Variants in PTPRK observed in about 807,000 individuals in gnomAD.
PTPRK encodes the protein protein tyrosine phosphatase receptor type K.
PTPRK carries 75 observed loss-of-function variants against 178.0 expected under a neutral mutation model. The observed-to-expected ratio is 0.42, with a 90% confidence interval of 0.35 to 0.51. PTPRK has a LOEUF of 0.51. PTPRK is among the 20% of genes least tolerant of loss of function. PTPRK has a pLI of 0.02. For synonymous variants in PTPRK, 637 were observed against 620.6 expected (o/e 1.03, Z -0.39); for missense variants, 1,441 against 1,797.8 (o/e 0.80, Z 3.59).
At chr6:128,044,187 T>G (rs1384902116) in intron 13 of PTPRK, among the ~76,000 whole-genome samples, 1 of 152,072 alleles carries the variant, frequency 6.6e-6, no homozygotes, top group African/African-American at 2.4e-5. Flanking sequence ...CAAAACCAAA[T>G]GAAATAGCAA....
intron 22 of PTPRK, among the ~76,000 whole-genome samples, chr6:127,985,397 T>C (rs1292660808): frequency 6.6e-6 from 1 of 152,214 alleles, no homozygotes; most frequent in Non-Finnish European, 1.5e-5. Context: ...AAATGTCTAT[T>C]TCAACCTAGC....
intron 7 of PTPRK, among the ~76,000 whole-genome samples, chr6:128,114,727 C>T (rs754870785): frequency 3.3e-4 from 49 of 149,462 alleles, no homozygotes; most frequent in Non-Finnish European, 6.8e-4. Flanking sequence ...CCTGCCTCAA[C>T]TTATGTGGAT....
intron 3 of PTPRK, among the ~76,000 whole-genome samples, chr6:128,294,763 T>C (rs1226878900): frequency 6.6e-6 from 1 of 152,134 alleles, no homozygotes; most frequent in Non-Finnish European, 1.5e-5. Context: ...ACTTAAGGCA[T>C]GCTAAGTGCA....
chr6:128,458,825 T>C (rs1434026674), intron 1 of PTPRK, among the ~76,000 whole-genome samples: 2 of 152,190 alleles, frequency 1.3e-5, no homozygotes, highest in African/African-American at 2.4e-5. Flanking sequence ...TGCTTACATA[T>C]GTGAAAGAAA....
intron 2 of PTPRK, among the ~76,000 whole-genome samples, chr6:128,366,609 G>C (rs1835523478): frequency 2.0e-5 from 3 of 152,034 alleles, no homozygotes; most frequent in Admixed American, 6.6e-5. Flanking sequence ...TTAAGTTTAA[G>C]GTAACTTATC....
At chr6:128,038,615 T>C (rs1250245104) in intron 13 of PTPRK, among the ~76,000 whole-genome samples, 2 of 152,200 alleles carry the variant, frequency 1.3e-5, no homozygotes, top group South Asian at 2.1e-4. Flanking sequence ...ATTTAGAATC[T>C]ACTGCAGCTC....
Position 128,240,030 on chromosome 6 carries a change from C to T in PTPRK, c.693+5G>A, listed in dbSNP as rs774524984. 20 of 1,610,846 alleles carry T rather than the reference C, an allele frequency of 1.2e-5. No homozygotes were observed. The East Asian group carries it at 3.6e-4, about 29-fold the overall frequency. On this transcript the variant is annotated splice_donor_5th_base_variant and intron_variant, in intron 5 of 29. Coordinates refer to ENST00000368226, the MANE Select transcript of PTPRK (RefSeq NM_002844.4). Reference sequence around the variant, plus strand: ...TCTTTAGCTCAGCTGCCAACTTGGCCTTACCTGGAGCCATAACTTGTTATG... The same window carrying T: ...TCTTTAGCTCAGCTGCCAACTTGGCTTTACCTGGAGCCATAACTTGTTATG...
intron 13 of PTPRK, among the ~76,000 whole-genome samples, chr6:128,029,215 C>T (rs1774857475): frequency 6.6e-6 from 1 of 151,998 alleles, no homozygotes; most frequent in African/African-American, 2.4e-5. Flanking sequence ...TCTCCTGTCT[C>T]CCTCTCTTGC....
At chr6:128,020,333 T>C (rs1230483322) in intron 13 of PTPRK, among the ~76,000 whole-genome samples, 4 of 152,170 alleles carry the variant, frequency 2.6e-5, no homozygotes, top group African/African-American at 9.6e-5. Flanking sequence ...ATAGTGTTTA[T>C]AGCAAAGTAA....
At chr6:128,145,760 G>A (rs1796400153) in intron 7 of PTPRK, among the ~76,000 whole-genome samples, 1 of 152,128 alleles carries the variant, frequency 6.6e-6, no homozygotes, top group Non-Finnish European at 1.5e-5. Flanking sequence ...TAGGTATAAT[G>A]TGTATTCTAT....
chr6:128,483,171 C>T lies in PTPRK; in HGVS notation c.100+37088G>A, dbSNP rs78885144. Among the ~76,000 whole-genome samples the T allele has an allele frequency of 4.0e-3, 614 of 152,256 alleles. 6 individuals are homozygous for T. Among genetic ancestry groups the T allele is most frequent in the African/African-American group, 0.014 (587 of 41,562 alleles). On this transcript the variant is annotated intron_variant, in intron 1 of 29. Coordinates refer to ENST00000368226, the MANE Select transcript of PTPRK (RefSeq NM_002844.4). ...TACCTTATTACATTATCAAGGCCTA[C>T]AAAAGTCGTGTTTTTTCTACAACTT...
intron 13 of PTPRK, among the ~76,000 whole-genome samples, chr6:128,019,951 G>A (rs1183632228): frequency 2.0e-5 from 3 of 152,254 alleles, no homozygotes; most frequent in Non-Finnish European, 4.4e-5. Flanking sequence ...AATGCTTTAA[G>A]TACCTTGTCT....
chr6:128,154,144 A>G (rs1348311660), intron 7 of PTPRK, among the ~76,000 whole-genome samples: 1 of 151,854 alleles, frequency 6.6e-6, no homozygotes, highest in East Asian at 1.9e-4. Context: ...CATAATTGTT[A>G]TGAATAATGT....
intron 2 of PTPRK, among the ~76,000 whole-genome samples, chr6:128,391,266 C>T (rs147247942): frequency 1.2e-4 from 19 of 152,200 alleles, no homozygotes; most frequent in African/African-American, 3.6e-4. Flanking sequence ...TTCCCATCTA[C>T]GTTAATGGCC....
At chr6:128,233,736 G>A (rs1035677410) in intron 5 of PTPRK, among the ~76,000 whole-genome samples, 1 of 152,180 alleles carries the variant, frequency 6.6e-6, no homozygotes, top group African/African-American at 2.4e-5. Flanking sequence ...ATTACTGACA[G>A]ATTGGCCCAA....
At chr6:128,239,301 C>A (rs774958242) in intron 5 of PTPRK, among the ~76,000 whole-genome samples, 4 of 152,186 alleles carry the variant, frequency 2.6e-5, no homozygotes, top group Non-Finnish European at 5.9e-5. Flanking sequence ...CAATAGCCAT[C>A]TGTTTTAGGT....
intron 3 of PTPRK, among the ~76,000 whole-genome samples, chr6:128,245,197 G>A (rs1193488118): frequency 6.6e-6 from 1 of 152,162 alleles, no homozygotes; most frequent in Non-Finnish European, 1.5e-5. Flanking sequence ...AAGTGGTGAA[G>A]CCGGGAATGG....
Position 127,992,527 on chromosome 6 carries a change from A to G in PTPRK, c.2881+146T>C. The G allele has an allele frequency of 8.4e-6, 5 of 596,866 alleles. No homozygotes were observed. In the South Asian group the frequency reaches 1.1e-4, roughly 14 times the overall value. 37.0% of individuals were successfully genotyped at this position (596,866 alleles called of 1,614,324 possible). ...AGCTTTACACACACAATAAATTTGTACTATACAAATGAGTAAGGAGCAGTG... is the reference window on the plus strand; with the variant it reads ...AGCTTTACACACACAATAAATTTGTGCTATACAAATGAGTAAGGAGCAGTG... On this transcript the variant is annotated intron_variant, in intron 19 of 29. Transcript: ENST00000368226.
chr6:128,113,070 C>T (rs1790929425), intron 7 of PTPRK, among the ~76,000 whole-genome samples: 1 of 152,060 alleles, frequency 6.6e-6, no homozygotes, highest in Non-Finnish European at 1.5e-5. Flanking sequence ...TATCCATCCT[C>T]ACGATTCTGA....
Sources: gnomAD v4.1 joint callset for allele counts (sites outside exome capture counted in the v4.1 genomes callset) on GRCh38, gnomAD v4.1.1 for gene constraint, MANE v1.5 for transcripts, NCBI Gene and HGNC (gene_info 2026-07-23, HGNC 2026-07-21) for gene names.